Variants in ZCWPW1 observed in about 807,000 individuals in gnomAD.
ZCWPW1 encodes the protein zinc finger CW-type PWWP domain protein 1.
A neutral mutation model predicts 81.3 loss-of-function variants in ZCWPW1; 56 were observed. That is an observed-to-expected ratio of 0.69 (90% CI 0.56 to 0.86). ZCWPW1 has a LOEUF of 0.86. ZCWPW1 is among the 40% of genes least tolerant of loss of function. ZCWPW1 has a pLI of 0.00. For synonymous variants in ZCWPW1, 250 were observed against 273.7 expected (o/e 0.91, Z 0.86); for missense variants, 650 against 769.8 (o/e 0.84, Z 1.84).
In ZCWPW1 at chr7:100,405,147, T is replaced by G. The variant is rs747898339; in HGVS notation, c.1174-54A>C. On this transcript the variant is annotated intron_variant, in intron 12 of 17. Transcript: ENST00000684423. ...AATATTGACTTAAAGATTAGAGTCA[T>G]GACCAGGTGCGGTGGCTCACACCTG... The G allele has an allele frequency of 6.8e-4, 1,076 of 1,571,724 alleles. 2 individuals are homozygous for G. Among genetic ancestry groups the G allele is most frequent in the Non-Finnish European group, 8.5e-4 (982 of 1,153,192 alleles).
At chr7:100,417,458 C>A in intron 5 of ZCWPW1, 1 of 334,330 alleles carries the variant, frequency 3.0e-6, no homozygotes, top group Admixed American at 4.7e-5. Context: ...TGGCTCACGC[C>A]TGTAATCCTA....
chr7:100,417,803 A>G (rs1363039551), intron 5 of ZCWPW1, among the ~76,000 whole-genome samples: 1 of 152,174 alleles, frequency 6.6e-6, no homozygotes, highest in Non-Finnish European at 1.5e-5. Context: ...GAATGGCTGA[A>G]ATGTCAGACT....
intron 8 of ZCWPW1, among the ~76,000 whole-genome samples, chr7:100,415,561 TTTGA>T (rs746007687): frequency 4.6e-5 from 7 of 152,222 alleles, no homozygotes; most frequent in Non-Finnish European, 8.8e-5. Context: ...GTTTATCCTC[TTTGA>T]TTTCTTTACG....
intron 5 of ZCWPW1, among the ~76,000 whole-genome samples, chr7:100,418,041 C>T (rs1304213374): frequency 3.9e-5 from 6 of 151,902 alleles, no homozygotes; most frequent in Non-Finnish European, 5.9e-5. Flanking sequence ...CACGCCACCA[C>T]GCCTGGCTAA....
intron 8 of ZCWPW1, among the ~76,000 whole-genome samples, chr7:100,410,040 C>T (rs755371330): frequency 1.2e-4 from 18 of 152,280 alleles, no homozygotes; most frequent in Non-Finnish European, 2.4e-4. Flanking sequence ...AACTTTAGGA[C>T]CAACAGTGTC....
At chr7:100,412,811 G>C (rs951491613) in intron 8 of ZCWPW1, among the ~76,000 whole-genome samples, 1 of 152,120 alleles carries the variant, frequency 6.6e-6, no homozygotes, top group Admixed American at 6.5e-5. Flanking sequence ...TTGATCTCCT[G>C]ACCTCGTGAT....
intron 1 of ZCWPW1, among the ~76,000 whole-genome samples, chr7:100,425,371 G>A (rs1797133527): frequency 6.6e-6 from 1 of 152,094 alleles, no homozygotes; most frequent in Non-Finnish European, 1.5e-5. Flanking sequence ...AACCAGTACA[G>A]TTCCAGAAAC....
intron 5 of ZCWPW1, 197 bp from the exon 6 acceptor site, chr7:100,417,380 T>G: frequency 4.2e-5 from 21 of 499,190 alleles, no homozygotes; most frequent in East Asian, 1.0e-4. Flanking sequence ...CAGATCGATC[T>G]GCCTCATTCC....
intron 5 of ZCWPW1, 38 bp from the exon 6 acceptor site, chr7:100,417,221 A>G (rs770568265): frequency 3.8e-6 from 6 of 1,565,808 alleles, no homozygotes; most frequent in Middle Eastern, 1.7e-4. Context: ...GAAGCAAAAA[A>G]ACGAAAAAGC....
Position 100,419,718 on chromosome 7 carries a change from T to C in ZCWPW1, c.194A>G (p.Glu65Gly). 1.2e-6 allele frequency: 2 copies of C among 1,614,134 alleles called. No individual in the cohort carries two copies. The highest frequency in any genetic ancestry group is 1.7e-6 in the Non-Finnish European group (2 of 1,180,036). Residue 65 changes from glutamate to glycine, a missense_variant, in exon 4 of 18, where the codon GAA (glutamate) becomes GGA (glycine). Coordinates refer to ENST00000684423, the MANE Select transcript of ZCWPW1 (RefSeq NM_001386010.1). ...TGGAACATTCTTCATGGTTGCTTTT[T>C]CCTCTTTCTTCTTTAAACTGGCCTT... ...LPKASLKKKEEKATMKNVPSR... is the reference protein window; with the variant it reads ...LPKASLKKKEGKATMKNVPSR...
intron 2 of ZCWPW1, among the ~76,000 whole-genome samples, chr7:100,424,593 C>G (rs1339466859): frequency 1.3e-5 from 2 of 152,024 alleles, no homozygotes; most frequent in African/African-American, 4.8e-5. Flanking sequence ...TCCCGAGTAG[C>G]TGGGATTACA....
At position 100,409,486 on chromosome 7, in the gene ZCWPW1, C is replaced by G. The variant is rs769866704; in HGVS notation, c.813G>C (p.Leu271=). The G allele has an allele frequency of 6.2e-7, 1 of 1,614,196 alleles. No individual in the cohort carries two copies. Among genetic ancestry groups the G allele is most frequent in the East Asian group, 2.2e-5 (1 of 44,886 alleles). Residue 271 remains leucine (L), a synonymous_variant, in exon 9 of 18, where the codon CTG becomes CTC. Coordinates refer to ENST00000684423, the MANE Select transcript of ZCWPW1 (RefSeq NM_001386010.1). ...SFPNCGKWRR[L]CGNIDPSVLP... ...GAACTGAGGGGTCAATGTTCCCACACAGCCGCCTCCATTTCCCACAGTTTG... is the reference window on the plus strand; with the variant it reads ...GAACTGAGGGGTCAATGTTCCCACAGAGCCGCCTCCATTTCCCACAGTTTG...
At chr7:100,418,358 TA>T (rs1196042142) in intron 5 of ZCWPW1, among the ~76,000 whole-genome samples, 1 of 152,202 alleles carries the variant, frequency 6.6e-6, no homozygotes, top group Non-Finnish European at 1.5e-5. Context: ...AACTGCATTT[TA>T]AAAATTTAGG....
intron 7 of ZCWPW1, 69 bp from the exon 8 acceptor site, chr7:100,416,166 G>A: frequency 1.2e-6 from 2 of 1,601,512 alleles, no homozygotes; most frequent in Non-Finnish European, 8.5e-7. Flanking sequence ...GTAAAGGTCA[G>A]TGAAAGAAGG....
At chr7:100,424,188 G>A (rs2130872149) in intron 2 of ZCWPW1, among the ~76,000 whole-genome samples, 1 of 151,906 alleles carries the variant, frequency 6.6e-6, no homozygotes, top group Non-Finnish European at 1.5e-5. Context: ...ATCACAAGAA[G>A]TCTCTGTCTA....
At chr7:100,421,767 A>G (rs934064142) in intron 2 of ZCWPW1, among the ~76,000 whole-genome samples, 1 of 151,448 alleles carries the variant, frequency 6.6e-6, no homozygotes, top group Non-Finnish European at 1.5e-5. Context: ...ATCTCGGTGC[A>G]CCGCAACCTC....
chr7:100,408,790 A>T (rs756448135), intron 9 of ZCWPW1, 131 bp from the exon 10 acceptor site: 1 of 1,063,724 alleles, frequency 9.4e-7, no homozygotes. Flanking sequence ...CACCTGGGAG[A>T]TCAGCACAGA....
chr7:100,401,667 A>C (rs1791924720), intron 17 of ZCWPW1, among the ~76,000 whole-genome samples: 1 of 152,244 alleles, frequency 6.6e-6, no homozygotes. Flanking sequence ...ATTAAGTGTT[A>C]CTTCTCTTCT....
intron 9 of ZCWPW1, 58 bp from the exon 10 acceptor site, chr7:100,408,717 G>C: frequency 6.3e-7 from 1 of 1,582,476 alleles, no homozygotes; most frequent in Admixed American, 1.8e-5. Context: ...AGAAAGAGCT[G>C]GATGAGAGCT....
Sources: gnomAD v4.1 joint callset for allele counts (sites outside exome capture counted in the v4.1 genomes callset) on GRCh38, gnomAD v4.1.1 for gene constraint, MANE v1.5 for transcripts, NCBI Gene and HGNC (gene_info 2026-07-23, HGNC 2026-07-21) for gene names.